OTUD7A: variants seen among roughly 807,000 people sequenced by gnomAD.
OTUD7A encodes OTU domain-containing protein 7A.
In OTUD7A, 12 loss-of-function variants were observed where a neutral mutation model predicts 65.7. The observed-to-expected ratio is 0.18, with a 90% CI of 0.12 to 0.30. The LOEUF is 0.30. OTUD7A is among the 10% of genes least tolerant of loss of function. The pLI, the probability that OTUD7A is intolerant of heterozygous loss-of-function variation, is 1.00. For missense variants in OTUD7A, 1,148 were observed against 1,304.8 expected, an observed-to-expected ratio of 0.88 and a Z score of 1.85; for synonymous variants, 641 against 586.3, an observed-to-expected ratio of 1.09 and a Z score of -1.35.
intron 1 of OTUD7A, among the ~76,000 whole-genome samples, chr15:31,687,642 T>G (rs1892869410): frequency 6.6e-6 from 1 of 152,228 alleles, no homozygotes; most frequent in South Asian, 2.1e-4. Context: ...GATGCATACC[T>G]AGATGCCTAT....
At chr15:31,620,940 G>A (rs1385601313) in intron 3 of OTUD7A, among the ~76,000 whole-genome samples, 2 of 128,870 alleles carry the variant, frequency 1.6e-5, no homozygotes, top group Non-Finnish European at 1.6e-5. Context: ...CGCTTTGAAT[G>A]TGTCCCAGAG....
intron 3 of OTUD7A, among the ~76,000 whole-genome samples, chr15:31,591,869 A>G (rs1889735057): frequency 6.6e-6 from 1 of 152,220 alleles, no homozygotes; most frequent in Non-Finnish European, 1.5e-5. Flanking sequence ...GATGGCATAG[A>G]CTACTACACA....
chr15:31,576,863 G>C (rs1889217919), intron 3 of OTUD7A, among the ~76,000 whole-genome samples: 1 of 152,140 alleles, frequency 6.6e-6, no homozygotes, highest in Non-Finnish European at 1.5e-5. Context: ...GGGCCAAGAG[G>C]ACCTCAGAGA....
intron 3 of OTUD7A, among the ~76,000 whole-genome samples, chr15:31,605,049 G>A (rs1483368187): frequency 6.6e-6 from 1 of 152,228 alleles, no homozygotes; most frequent in East Asian, 1.9e-4. Context: ...GGCCAGGCCA[G>A]GAGAAAGTAG....
chr15:31,784,899 G>A (rs934342042), intron 1 of OTUD7A, among the ~76,000 whole-genome samples: 1 of 152,178 alleles, frequency 6.6e-6, no homozygotes, highest in Non-Finnish European at 1.5e-5. Context: ...GTAGGGGAAG[G>A]TGTGGAGGCA....
At chr15:31,835,745 T>C (rs545884720) in intron 1 of OTUD7A, among the ~76,000 whole-genome samples, 44 of 152,092 alleles carry the variant, frequency 2.9e-4, no homozygotes, top group African/African-American at 9.9e-4. Flanking sequence ...CACATATATA[T>C]ACATACACAC....
intron 3 of OTUD7A, among the ~76,000 whole-genome samples, chr15:31,638,792 T>G (rs1891421118): frequency 6.6e-6 from 1 of 152,126 alleles, no homozygotes; most frequent in Non-Finnish European, 1.5e-5. Context: ...CTGCAATACC[T>G]CTGAGGTCTG....
intron 1 of OTUD7A, among the ~76,000 whole-genome samples, chr15:31,725,411 C>T (rs986444951): frequency 1.4e-4 from 21 of 152,060 alleles, no homozygotes; most frequent in Admixed American, 1.1e-3. Context: ...TTTATTTAGC[C>T]CATGGGTCTC....
At chr15:31,548,564 C>T (rs1888212064) in intron 5 of OTUD7A, among the ~76,000 whole-genome samples, 4 of 152,122 alleles carry the variant, frequency 2.6e-5, no homozygotes, top group African/African-American at 9.7e-5. Flanking sequence ...TTCCCCAAGT[C>T]TCTTCTGCCT....
chr15:31,565,422 C>A (rs979096536), intron 4 of OTUD7A, among the ~76,000 whole-genome samples: 11 of 152,100 alleles, frequency 7.2e-5, no homozygotes, highest in African/African-American at 1.7e-4. Context: ...AAATGAGTTT[C>A]TTTTTTCCAT....
At chr15:31,625,980 G>A (rs921857500) in intron 3 of OTUD7A, among the ~76,000 whole-genome samples, 20 of 128,376 alleles carry the variant, frequency 1.6e-4, no homozygotes, top group African/African-American at 7.7e-4. Flanking sequence ...ATCAATCTAG[G>A]AATGCAAAAA....
chr15:31,527,096 T>C, intron 7 of OTUD7A, 85 bp downstream of exon 7: 1 of 1,569,740 alleles, frequency 6.4e-7, no homozygotes, highest in Non-Finnish European at 8.6e-7. Context: ...GTCTGGGGCC[T>C]GGAGGCCATG....
At chr15:31,496,755 C>A (rs1322707850) in intron 10 of OTUD7A, among the ~76,000 whole-genome samples, 2 of 152,178 alleles carry the variant, frequency 1.3e-5, no homozygotes. Flanking sequence ...AACCACGAGC[C>A]ATACATCAAA....
intron 8 of OTUD7A, among the ~76,000 whole-genome samples, chr15:31,518,058 C>T (rs2041884107): frequency 6.6e-6 from 1 of 152,164 alleles, no homozygotes; most frequent in Middle Eastern, 3.2e-3. Context: ...GTCCTGTTCA[C>T]ACATCCCAAG....
chr15:31,589,442 G>T (rs1199475998), intron 3 of OTUD7A, among the ~76,000 whole-genome samples: 1 of 149,580 alleles, frequency 6.7e-6, no homozygotes, highest in East Asian at 2.0e-4. Context: ...TGGGACTACA[G>T]GTGTCCACTG....
chr15:31,687,107 GA>G (rs11302415), intron 1 of OTUD7A, among the ~76,000 whole-genome samples: 89,244 of 146,370 alleles, frequency 0.61, 27,800 homozygotes, highest in South Asian at 0.75. Flanking sequence ...GATTTAAATA[GA>G]AAAAAAAAAA....
Position 31,740,886 on chromosome 15 carries a change from G to A in OTUD7A, c.-99-83809C>T, listed in dbSNP as rs180837123. On this transcript the variant is annotated intron_variant, in intron 1 of 12. Transcript: ENST00000307050. Reference sequence around the variant, plus strand: ...TTGTAACCAACAGAAAACTGGTGTAGCGACATTAATAACAGACAGAATAGA... The same window carrying A: ...TTGTAACCAACAGAAAACTGGTGTAACGACATTAATAACAGACAGAATAGA... 2.0e-3 allele frequency among the ~76,000 whole-genome samples: 302 copies of A among 152,318 alleles called. 3 individuals are homozygous for A. The highest frequency in any genetic ancestry group is 2.1e-3 in the Non-Finnish European group (140 of 68,032).
At chr15:31,667,575 T>C (rs541449502) in intron 1 of OTUD7A, among the ~76,000 whole-genome samples, 16 of 152,208 alleles carry the variant, frequency 1.1e-4, no homozygotes, top group Non-Finnish European at 1.6e-4. Flanking sequence ...TGAGTTCTTA[T>C]TTATTTTGCA....
At chr15:31,570,466 CA>C (rs1889016671) in intron 3 of OTUD7A, among the ~76,000 whole-genome samples, 1 of 147,836 alleles carries the variant, frequency 6.8e-6, no homozygotes, top group African/African-American at 2.6e-5. Context: ...CACACACACA[CA>C]CACACACACA....
Sources: allele counts gnomAD v4.1 joint callset (sites outside exome capture counted in the v4.1 genomes callset), GRCh38; gene constraint gnomAD v4.1.1; transcripts MANE v1.5; gene names NCBI Gene and HGNC (gene_info 2026-07-23, HGNC 2026-07-21).